The following PPT2 variants were observed in gnomAD, a reference collection of about 807,000 sequenced individuals.
PPT2 encodes the protein lysosomal thioesterase PPT2.
In PPT2, 20 loss-of-function variants were observed where a neutral mutation model predicts 37.3. The observed-to-expected ratio is 0.54, with a 90% CI of 0.38 to 0.78. The LOEUF (loss-of-function observed/expected upper bound fraction) is 0.78, where lower values mean the gene tolerates loss of function less well. PPT2 is among the 30% of genes least tolerant of loss of function. The pLI is 0.00. For synonymous variants in PPT2, 135 were observed against 159.1 expected (o/e 0.85, Z 1.14); for missense variants, 270 against 389.8 (o/e 0.69, Z 2.59).
At position 32,163,023 on chromosome 6, in the gene PPT2, G is replaced by C. The variant is rs548348555; in HGVS notation, c.*73G>C. On this transcript the variant is annotated 3_prime_UTR_variant, in exon 9 of 9. Transcript: ENST00000324816. ...GGTGGCCTTGGAAAGCAGATGTCAG[G>C]CTTTGGTGTGCCTGTGACCACCTCA... is the stretch of plus-strand genomic sequence containing the variant. The C allele has an allele frequency of 6.1e-6, 9 of 1,483,588 alleles. No homozygotes were observed. Among genetic ancestry groups the C allele is most frequent in the Non-Finnish European group, 8.3e-6 (9 of 1,090,572 alleles). The allele number at this position is 1,483,588 out of a possible 1,614,324, so 91.9% of individuals were successfully genotyped here. A position where few individuals can be genotyped will look rare whatever the true frequency, so the allele number is the denominator to read the frequency against.
In PPT2 at chr6:32,162,704, G is replaced by C; in HGVS notation, c.765+82G>C. The stretch of plus-strand genomic sequence containing the variant: ...CCTCTCTGTGACTCCTGAGCTGAAG[G>C]GTTCACCCTGTGGGGAGGAGGTCCA... On this transcript the variant is annotated intron_variant, in intron 8 of 8. Coordinates refer to ENST00000324816, the MANE Select transcript of PPT2 (RefSeq NM_005155.7). The surrounding 1 kb of genome is among the most constrained non-coding windows in gnomAD (Gnocchi z 5.5). The C allele has an allele frequency of 1.3e-6, 2 of 1,575,846 alleles. No individual in the cohort carries two copies. Among genetic ancestry groups the C allele is most frequent in the Non-Finnish European group, 1.7e-6 (2 of 1,145,450 alleles).
At chr6:32,159,472 A>ATATC (rs1465188963) in intron 7 of PPT2, among the ~76,000 whole-genome samples, 136 of 127,472 alleles carry the variant, frequency 1.1e-3, no homozygotes, top group African/African-American at 2.0e-3. Flanking sequence ...ATATATATAT[A>ATATC]TCCTCATCCC....
At position 32,155,859 on chromosome 6, in the gene PPT2, T is replaced by C. The variant is rs777553857; in HGVS notation, c.434-12T>C. 6.2e-7 allele frequency: 1 copy of C among 1,613,014 alleles called. No individual in the cohort carries two copies. Among genetic ancestry groups the C allele is most frequent in the Non-Finnish European group, 8.5e-7 (1 of 1,179,034 alleles). ...GGTTTATGGTCACTTAGCATTGCCA[T>C]TCGCTTGCCAGACACGGACTACTTG... On this transcript the variant is annotated splice_polypyrimidine_tract_variant and intron_variant, in intron 4 of 8. Coordinates refer to ENST00000324816, the MANE Select transcript of PPT2 (RefSeq NM_005155.7). This position sits in a 1 kb window ranked among gnomAD's most constrained non-coding sequence, Gnocchi z 4.3.
intron 7 of PPT2, among the ~76,000 whole-genome samples, chr6:32,160,280 C>T (rs1319850560): frequency 1.3e-4 from 20 of 149,116 alleles, no homozygotes; most frequent in Admixed American, 2.0e-4. Flanking sequence ...CTCCTGACCT[C>T]GTGATCCACC....
At chr6:32,161,182 C>T (rs148844116) in intron 7 of PPT2, among the ~76,000 whole-genome samples, 3 of 152,046 alleles carry the variant, frequency 2.0e-5, no homozygotes, top group Non-Finnish European at 4.4e-5. Context: ...TATGCGCTCA[C>T]AGATTATTCA....
chr6:32,161,799 G>A (rs1298494508), intron 7 of PPT2, among the ~76,000 whole-genome samples: 1 of 151,814 alleles, frequency 6.6e-6, no homozygotes, highest in Non-Finnish European at 1.5e-5. Flanking sequence ...GGCCAGGCTG[G>A]TCTCGAATTC....
At chr6:32,160,340 C>T (rs1784073111) in intron 7 of PPT2, among the ~76,000 whole-genome samples, 1 of 144,346 alleles carries the variant, frequency 6.9e-6, no homozygotes, top group Admixed American at 6.8e-5. Context: ...CCCACGCACC[C>T]GGCCTTGCCT....
intron 7 of PPT2, 114 bp downstream of exon 7, chr6:32,158,038 C>T (rs1783911734): frequency 6.7e-6 from 6 of 901,090 alleles, no homozygotes; most frequent in Non-Finnish European, 8.4e-6. Context: ...TAGTGCTCCT[C>T]CCCCCATTCA....
Position 32,155,565 on chromosome 6 carries a change from T to C in PPT2, c.338-123T>C, listed in dbSNP as rs1450427703. ...AAGCCTCAGTCTCCTTTGTGTACAG[T>C]GTGTGTCTGTGTGTGTCTCTGTGTG... is the stretch of plus-strand genomic sequence containing the variant. On this transcript the variant is annotated intron_variant, in intron 3 of 8. Coordinates refer to ENST00000324816, the MANE Select transcript of PPT2 (RefSeq NM_005155.7). The surrounding 1 kb of genome is among the most constrained non-coding windows in gnomAD (Gnocchi z 4.3). The C allele has an allele frequency of 2.5e-6, 2 of 808,310 alleles. No homozygotes were observed. Among genetic ancestry groups the C allele is most frequent in the East Asian group, 2.5e-5 (1 of 40,324 alleles). The allele number at this position is 808,310 out of a possible 1,614,324, so 50.1% of individuals were successfully genotyped here. A position where few individuals can be genotyped will look rare whatever the true frequency, so the allele number is the denominator to read the frequency against.
At chr6:32,158,080 A>G (rs1783914913) in intron 7 of PPT2, 156 bp downstream of exon 7, 2 of 636,260 alleles carry the variant, frequency 3.1e-6, no homozygotes, top group Non-Finnish European at 5.4e-6. Context: ...CCTGGGAGTC[A>G]TATCCCAACC....
intron 7 of PPT2, among the ~76,000 whole-genome samples, chr6:32,159,412 A>G: frequency 7.0e-6 from 1 of 142,128 alleles, no homozygotes. Flanking sequence ...CAGCCTGGGC[A>G]ACAAGAGCGA....
intron 7 of PPT2, among the ~76,000 whole-genome samples, chr6:32,159,694 A>T (rs915543411): frequency 6.6e-6 from 1 of 150,634 alleles, no homozygotes; most frequent in African/African-American, 2.4e-5. Context: ...GTTATATAAC[A>T]TTTTTCATGT....
In PPT2 at chr6:32,163,227, A is replaced by G. The variant is rs780309549; in HGVS notation, c.*277A>G. 3 of 441,532 alleles carry G rather than the reference A, an allele frequency of 6.8e-6. No homozygotes were observed. Among genetic ancestry groups the G allele is most frequent in the Non-Finnish European group, 1.2e-5 (3 of 250,932 alleles). 27.4% of individuals were successfully genotyped at this position (441,532 alleles called of 1,614,324 possible). A position where few individuals can be genotyped will look rare whatever the true frequency, so the allele number is the denominator to read the frequency against. On this transcript the variant is annotated 3_prime_UTR_variant, in exon 9 of 9. Transcript: ENST00000324816. ...CTTTCTCTCAAGGCCGAAGTTGGGA[A>G]GTGAGAAACCATGTTTTTAACTTGT...
At chr6:32,158,147 A>AC in intron 7 of PPT2, 1 of 460,624 alleles carries the variant, frequency 2.2e-6, no homozygotes, top group Non-Finnish European at 3.8e-6. Context: ...CATCCCTATC[A>AC]CCCCCTCCCC....
chr6:32,155,850 G>C lies in PPT2; in HGVS notation c.434-21G>C. On this transcript the variant is annotated intron_variant, in intron 4 of 8. Transcript: ENST00000324816. This position sits in a 1 kb window ranked among gnomAD's most constrained non-coding sequence, Gnocchi z 4.3. ...GGGAACAGAGGTTTATGGTCACTTAGCATTGCCATTCGCTTGCCAGACACG... is the reference window on the plus strand; with the variant it reads ...GGGAACAGAGGTTTATGGTCACTTACCATTGCCATTCGCTTGCCAGACACG... 1.2e-6 allele frequency: 2 copies of C among 1,612,048 alleles called. No homozygotes were observed. The highest frequency in any genetic ancestry group is 2.2e-5 in the South Asian group (2 of 91,036).
chr6:32,155,602 GT>G lies in PPT2; in HGVS notation c.338-85del. On this transcript the variant is annotated intron_variant, in intron 3 of 8. Transcript: ENST00000324816. This position sits in a 1 kb window ranked among gnomAD's most constrained non-coding sequence, Gnocchi z 4.3. ...TGTGTCTCTGTGTGTGTGTGTGTGT[GT>G]GTGTGTGTGTGTGTGGTGGGGGTGG... The G allele has an allele frequency of 3.7e-6, 3 of 819,606 alleles. No individual in the cohort carries two copies. The highest frequency in any genetic ancestry group is 6.2e-6 in the Non-Finnish European group (3 of 487,378). 50.8% of individuals were successfully genotyped at this position (819,606 alleles called of 1,614,324 possible).
chr6:32,155,123 G>T lies in PPT2; in HGVS notation c.277G>T (p.Ala93Ser). The stretch of plus-strand genomic sequence containing the variant: ...GGAACAGGTGCAAGGGTTCCGAGAG[G>T]CTGTGGTCCCCATCATGGCAAAGGC... ...LWEQVQGFREAVVPIMAKAPQ... is the reference protein window; with the variant it reads ...LWEQVQGFRESVVPIMAKAPQ... The change falls in exon 3 of 9, where the codon GCT (alanine) becomes TCT (serine). Residue 93 changes from alanine to serine, a missense_variant. Physicochemically the swap from Ala to Ser is moderately conservative, Grantham distance 99. Coordinates refer to ENST00000324816, the MANE Select transcript of PPT2 (RefSeq NM_005155.7). The surrounding 1 kb of genome is among the most constrained non-coding windows in gnomAD (Gnocchi z 4.3). 6.2e-7 allele frequency: 1 copy of T among 1,613,122 alleles called. No individual in the cohort carries two copies. Among genetic ancestry groups the T allele is most frequent in the Admixed American group, 1.7e-5 (1 of 60,024 alleles).
chr6:32,157,947 G>A (rs759211664), intron 7 of PPT2, 23 bp downstream of exon 7: 1 of 1,580,354 alleles, frequency 6.3e-7, no homozygotes, highest in Non-Finnish European at 8.7e-7. Context: ...TTTGTGGCCT[G>A]AAGATTGGCT....
intron 5 of PPT2, 68 bp from the exon 6 acceptor site, chr6:32,157,569 A>T: frequency 7.5e-7 from 1 of 1,324,948 alleles, no homozygotes; most frequent in East Asian, 2.3e-5. Flanking sequence ...CAGCTTCCTT[A>T]TTGGGCTTTT....
Sources: allele counts gnomAD v4.1 joint callset (sites outside exome capture counted in the v4.1 genomes callset), GRCh38; gene constraint gnomAD v4.1.1; non-coding constraint Gnocchi (gnomAD v3.1); transcripts MANE v1.5; gene names NCBI Gene and HGNC (gene_info 2026-07-23, HGNC 2026-07-21).